CCDC187: variants seen among roughly 807,000 people sequenced by gnomAD.
CCDC187 encodes coiled-coil domain-containing protein 187.
Under a neutral mutation model 38.0 loss-of-function variants are expected in CCDC187, and 32 were observed. That is an observed-to-expected ratio of 0.84 (90% CI 0.64 to 1.13). The LOEUF is 1.13. CCDC187 is among the 50% of genes most tolerant of loss of function. CCDC187 has a pLI of 0.00. For synonymous variants in CCDC187, 333 were observed against 347.9 expected, an observed-to-expected ratio of 0.96 and a Z score of 0.48; for missense variants, 707 against 786.8, an observed-to-expected ratio of 0.90 and a Z score of 1.21.
At position 136,289,745 on chromosome 9, in the gene CCDC187, G is replaced by A. The variant is rs1831269062; in HGVS notation, c.2222+214C>T. 7.2e-5 allele frequency among the ~76,000 whole-genome samples: 11 copies of A among 152,228 alleles called. No homozygotes were observed. In the South Asian group the frequency reaches 2.1e-3, roughly 29 times the overall value. On this transcript the variant is annotated intron_variant, in intron 7 of 25. Transcript: ENST00000638797. ...TTAACGTGGTGGATTTAAGTTTGAT[G>A]CGACTCTTGCCTCCATGAGAACAAG...
intron 4 of CCDC187, among the ~76,000 whole-genome samples, chr9:136,293,358 CA>C (rs1831406992): frequency 6.9e-6 from 1 of 144,238 alleles, no homozygotes; most frequent in African/African-American, 2.6e-5. Flanking sequence ...TGCTCACACA[CA>C]TTCACATGCT....
intron 4 of CCDC187, among the ~76,000 whole-genome samples, chr9:136,292,879 C>T (rs1235577432): frequency 6.6e-6 from 1 of 152,220 alleles, no homozygotes; most frequent in Non-Finnish European, 1.5e-5. Context: ...TCCCGGGCAT[C>T]GCTGCAGCAA....
rs1382831495 is a variant in CCDC187, at chr9:136,253,180, T to C, written c.*414A>G. 3 of 152,374 alleles carry C rather than the reference T, an allele frequency of 2.0e-5. No homozygotes were observed. Among genetic ancestry groups the C allele is most frequent in the Non-Finnish European group, 4.4e-5 (3 of 68,212 alleles). The allele number at this position is 152,374 out of a possible 1,614,324, so 9.4% of individuals were successfully genotyped here. On this transcript the variant is annotated 3_prime_UTR_variant, in exon 26 of 26. Transcript: ENST00000638797. ...TGTCCAGGAGCTCATCCAGACCCAC[T>C]AAGAGCTGCCCCGCTACCCACCCCG...
intron 14 of CCDC187, among the ~76,000 whole-genome samples, chr9:136,272,402 C>T (rs1830855060): frequency 6.6e-6 from 1 of 152,120 alleles, no homozygotes; most frequent in African/African-American, 2.4e-5. Flanking sequence ...AACCCCATCT[C>T]TACAAAAAAT....
intron 7 of CCDC187, 69 bp from the exon 8 acceptor site, chr9:136,286,764 G>T (rs1009686988): frequency 2.5e-6 from 1 of 398,334 alleles, no homozygotes; most frequent in East Asian, 3.6e-5. Flanking sequence ...GAAAGCACGC[G>T]TGTTTTGCAG....
intron 14 of CCDC187, among the ~76,000 whole-genome samples, chr9:136,270,951 C>T (rs1830829865): frequency 6.6e-6 from 1 of 152,208 alleles, no homozygotes; most frequent in South Asian, 2.1e-4. Flanking sequence ...TAATGTTTAT[C>T]CTAATGATTG....
chr9:136,305,512 C>T (rs1831789125), upstream of CCDC187, among the ~76,000 whole-genome samples: 1 of 152,190 alleles, frequency 6.6e-6, no homozygotes, highest in Non-Finnish European at 1.5e-5. Flanking sequence ...GACGGGTTGC[C>T]ACCTCCCTGC....
chr9:136,297,334 C>T (rs1287121498), intron 4 of CCDC187, among the ~76,000 whole-genome samples: 8 of 151,946 alleles, frequency 5.3e-5, no homozygotes, highest in African/African-American at 1.2e-4. Flanking sequence ...GTGTGAGCTG[C>T]GGGTACCGTG....
chr9:136,262,443 T>C lies in CCDC187; in HGVS notation c.3932A>G (p.Lys1311Arg). Residue 1311 changes from lysine to arginine, a missense_variant, in exon 19 of 26, where the codon AAG becomes AGG. Transcript: ENST00000638797. ...KLQQGSSPKVKAAWEGGSETS... is the reference protein window; with the variant it reads ...KLQQGSSPKVRAAWEGGSETS... ...CTCTGAGCCTCCCTCCCAGGCGGCC[T>C]TGACTTTGGGGCTGGAACCCTGTAA... 1.0e-6 allele frequency: 1 copy of C among 985,782 alleles called. No individual in the cohort carries two copies. 61.1% of individuals were successfully genotyped at this position (985,782 alleles called of 1,614,324 possible). A position where few individuals can be genotyped will look rare whatever the true frequency, so the allele number is the denominator to read the frequency against.
At chr9:136,283,296 G>T (rs1831090274) in intron 9 of CCDC187, among the ~76,000 whole-genome samples, 1 of 152,216 alleles carries the variant, frequency 6.6e-6, no homozygotes, top group Non-Finnish European at 1.5e-5. Flanking sequence ...CTGAGAGGCG[G>T]CCGGGATCTG....
At chr9:136,268,700 CAT>C (rs545920516) in intron 14 of CCDC187, among the ~76,000 whole-genome samples, 82 of 152,314 alleles carry the variant, frequency 5.4e-4, no homozygotes, top group African/African-American at 1.2e-3. Flanking sequence ...TACACACACA[CAT>C]GTGTGTTTAT....
rs1238192113 is a variant in CCDC187 at position 136,257,105 on chromosome 9, T to G, written c.4367-264A>C. On this transcript the variant is annotated intron_variant, in intron 22 of 25. Coordinates refer to ENST00000638797, the MANE Select transcript of CCDC187 (RefSeq NM_001378188.1). This position sits in a 1 kb window ranked among gnomAD's most constrained non-coding sequence, Gnocchi z 4.5. ...GAATTCAGAGGCCGGCTGGGCGCAG[T>G]GGCTCACGCCTATAATCCCAGCACT... Among the ~76,000 whole-genome samples, 3 of 152,216 alleles carry G rather than the reference T, an allele frequency of 2.0e-5. No homozygotes were observed. Among genetic ancestry groups the G allele is most frequent in the African/African-American group, 7.2e-5 (3 of 41,468 alleles).
chr9:136,299,047 C>G (rs1267823906), intron 3 of CCDC187, among the ~76,000 whole-genome samples: 1 of 152,194 alleles, frequency 6.6e-6, no homozygotes, highest in Non-Finnish European at 1.5e-5. Flanking sequence ...TTGCTGGACC[C>G]TGAACTTGAC....
chr9:136,279,568 A>G (rs1830999691), intron 10 of CCDC187, among the ~76,000 whole-genome samples: 1 of 152,218 alleles, frequency 6.6e-6, no homozygotes, highest in African/African-American at 2.4e-5. Context: ...TCCTGCAGCC[A>G]TTGGAACTGT....
At position 136,265,987 on chromosome 9, in the gene CCDC187, T is replaced by C. The variant is rs1035197385; in HGVS notation, c.3704A>G (p.Gln1235Arg). 5.1e-6 allele frequency: 5 copies of C among 985,528 alleles called. No homozygotes were observed. Among genetic ancestry groups the C allele is most frequent in the Non-Finnish European group, 6.0e-6 (5 of 829,972 alleles). The allele number at this position is 985,528 out of a possible 1,614,324, so 61.0% of individuals were successfully genotyped here. The change falls in exon 17 of 26, where the codon CAG becomes CGG. Residue 1235 changes from glutamine to arginine, a missense_variant. Coordinates refer to ENST00000638797, the MANE Select transcript of CCDC187 (RefSeq NM_001378188.1). Reference sequence around the variant, plus strand: ...CTTCTCCAATCTGCTGAGGGCTTGCTGCTGCTTCTCAACCAGCGCGGCCAG... The same window carrying C: ...CTTCTCCAATCTGCTGAGGGCTTGCCGCTGCTTCTCAACCAGCGCGGCCAG... ...AVLAALVEKQ[Q>R]QALSRLEKEQ...
chr9:136,280,497 C>T (rs1256231318), intron 10 of CCDC187, among the ~76,000 whole-genome samples: 9 of 152,336 alleles, frequency 5.9e-5, no homozygotes, highest in African/African-American at 1.4e-4. Context: ...TACACACAAG[C>T]AAGCATGCAC....
intron 4 of CCDC187, among the ~76,000 whole-genome samples, chr9:136,293,664 TCACA>T (rs1197100695): frequency 6.8e-6 from 1 of 147,946 alleles, no homozygotes; most frequent in East Asian, 2.0e-4. Flanking sequence ...TCACACTCTG[TCACA>T]CGCATGCCCT....
At chr9:136,269,535 G>C (rs1830805010) in intron 14 of CCDC187, among the ~76,000 whole-genome samples, 1 of 151,984 alleles carries the variant, frequency 6.6e-6, no homozygotes, top group South Asian at 2.1e-4. Context: ...GTAGTCCCAG[G>C]TACTCGGGAG....
At chr9:136,299,428 C>T (rs971761555) in intron 3 of CCDC187, among the ~76,000 whole-genome samples, 2 of 152,212 alleles carry the variant, frequency 1.3e-5, no homozygotes, top group Non-Finnish European at 2.9e-5. Context: ...ACATGATTCC[C>T]TGTGCTGAGC....
Sources: gnomAD v4.1 joint callset for allele counts (sites outside exome capture counted in the v4.1 genomes callset) on GRCh38, gnomAD v4.1.1 for gene constraint, Gnocchi (gnomAD v3.1) non-coding constraint, MANE v1.5 for transcripts, NCBI Gene and HGNC (gene_info 2026-07-23, HGNC 2026-07-21) for gene names.